Variants in SHCBP1 observed in about 807,000 individuals in gnomAD.
SHCBP1 encodes SHC SH2 domain-binding protein 1.
SHCBP1 carries 60 observed loss-of-function variants against 75.1 expected under a neutral mutation model. The observed-to-expected ratio is 0.80, with a 90% CI of 0.65 to 0.99. The LOEUF is 0.99. Ranked by LOEUF, SHCBP1 falls within the 50% of genes least tolerant of loss-of-function variation. SHCBP1 has a pLI of 0.00. For synonymous variants in SHCBP1, 290 were observed against 293.2 expected (o/e 0.99, Z 0.11); for missense variants, 709 against 809.4 (o/e 0.88, Z 1.50).
rs1454817444 is a variant in SHCBP1 at position 46,613,454 on chromosome 16, G to T, written c.596+2492C>A. Among the ~76,000 whole-genome samples, 5 of 152,186 alleles carry T rather than the reference G, an allele frequency of 3.3e-5. No homozygotes were observed. The East Asian group carries it at 9.7e-4, about 29-fold the overall frequency. On this transcript the variant is annotated intron_variant, in intron 4 of 12. Coordinates refer to ENST00000303383, the MANE Select transcript of SHCBP1 (RefSeq NM_024745.5). Reference sequence around the variant, plus strand: ...AGCTAACAAATCCCCGCACTGTCTGGCCCCTGCCAGCCTCTCTAATCTCAT... The same window carrying T: ...AGCTAACAAATCCCCGCACTGTCTGTCCCCTGCCAGCCTCTCTAATCTCAT...
intron 1 of SHCBP1, among the ~76,000 whole-genome samples, chr16:46,618,718 C>T (rs1195420293): frequency 1.3e-5 from 2 of 152,056 alleles, no homozygotes; most frequent in East Asian, 1.9e-4. Flanking sequence ...CATAGCTCAC[C>T]GCAACCTCAA....
chr16:46,611,240 C>G (rs1166710986), intron 4 of SHCBP1, among the ~76,000 whole-genome samples: 1 of 152,194 alleles, frequency 6.6e-6, no homozygotes, highest in Non-Finnish European at 1.5e-5. Context: ...GCTTTGGCCA[C>G]CTGCAACCCT....
At chr16:46,611,571 C>T (rs1181719860) in intron 4 of SHCBP1, among the ~76,000 whole-genome samples, 1 of 152,188 alleles carries the variant, frequency 6.6e-6, no homozygotes, top group Non-Finnish European at 1.5e-5. Flanking sequence ...ATATAGTTCA[C>T]ATTTATTTCA....
intron 10 of SHCBP1, among the ~76,000 whole-genome samples, chr16:46,590,536 C>T (rs921999315): frequency 2.0e-5 from 3 of 152,178 alleles, no homozygotes; most frequent in Non-Finnish European, 4.4e-5. Flanking sequence ...CAAAAGAAGA[C>T]ATTTATGCAG....
chr16:46,583,949 TG>T (rs767476660), intron 11 of SHCBP1, 53 bp downstream of exon 11: 52 of 1,438,566 alleles, frequency 3.6e-5, no homozygotes, highest in Non-Finnish European at 5.0e-5. Flanking sequence ...AAGCATAATT[TG>T]TAGGTAAAAC....
intron 10 of SHCBP1, among the ~76,000 whole-genome samples, chr16:46,589,831 T>C (rs1390068469): frequency 1.3e-5 from 2 of 152,174 alleles, no homozygotes; most frequent in Non-Finnish European, 1.5e-5. Context: ...TTAAAGTTCA[T>C]ATGGAACCAA....
chr16:46,584,193 G>A, intron 10 of SHCBP1, 104 bp from the exon 11 acceptor site: 1 of 704,882 alleles, frequency 1.4e-6, no homozygotes, highest in Non-Finnish European at 2.2e-6. Context: ...CAAATGTACA[G>A]CACAAAGATA....
In SHCBP1 at chr16:46,581,892, A is replaced by G. The variant is rs149596699; in HGVS notation, c.1856T>C (p.Ile619Thr). Residue 619 changes from isoleucine (I) to threonine (T), a missense_variant, in exon 13 of 13, where the codon ATT (isoleucine) becomes ACT (threonine). By Grantham distance (89) the Ile-to-Thr change is moderately conservative. Coordinates refer to ENST00000303383, the MANE Select transcript of SHCBP1 (RefSeq NM_024745.5). ...EGNCEIVNEL[I>T]AASTQKGQIK... is the part of the protein sequence containing the mutation. The stretch of plus-strand genomic sequence containing the variant: ...CTGGCCTTTCTGTGTGGAGGCAGCA[A>G]TTAGTTCATTTACAATTTCACAATT... 22 of 1,614,092 alleles carry G rather than the reference A, an allele frequency of 1.4e-5. No homozygotes were observed. Among genetic ancestry groups the G allele is most frequent in the African/African-American group, 1.2e-4 (9 of 74,942 alleles).
intron 5 of SHCBP1, among the ~76,000 whole-genome samples, chr16:46,606,410 C>T (rs987013183): frequency 2.0e-5 from 3 of 152,178 alleles, no homozygotes; most frequent in Non-Finnish European, 4.4e-5. Context: ...CAAGTACCAC[C>T]GTGTCTTCTG....
At chr16:46,614,601 A>G (rs996966496) in intron 4 of SHCBP1, among the ~76,000 whole-genome samples, 3 of 152,206 alleles carry the variant, frequency 2.0e-5, no homozygotes, top group African/African-American at 7.2e-5. Context: ...ATGGCAAAAA[A>G]GACTCACAGG....
rs566971355 is a variant in SHCBP1, at chr16:46,602,911, G to A, written c.1213+628C>T. Among the ~76,000 whole-genome samples, 10 of 152,292 alleles carry A rather than the reference G, an allele frequency of 6.6e-5. 1 individual carries two copies. The highest frequency in any genetic ancestry group is 1.9e-4 in the East Asian group (1 of 5,190). ...CTCCCAAAGTGCTGGGATTACAGGC[G>A]TAAGCCACCACACCCAGCCCAAAAA... is the stretch of plus-strand genomic sequence containing the variant. On this transcript the variant is annotated intron_variant, in intron 8 of 12. Transcript: ENST00000303383.
chr16:46,587,247 T>G (rs1384921027), intron 10 of SHCBP1, among the ~76,000 whole-genome samples: 1 of 152,182 alleles, frequency 6.6e-6, no homozygotes, highest in Non-Finnish European at 1.5e-5. Context: ...TAAACTGTTA[T>G]GTACATATAA....
At position 46,581,346 on chromosome 16, in the gene SHCBP1, T is replaced by A. The variant is rs1375433847; in HGVS notation, c.*383A>T. On this transcript the variant is annotated 3_prime_UTR_variant, in exon 13 of 13. Transcript: ENST00000303383. The stretch of plus-strand genomic sequence containing the variant: ...GATGAAAAGGCAACTCTAAGAAGAA[T>A]GCTGTACATATGACACCTATTGCAT... 1 of 184,136 alleles carries A rather than the reference T, an allele frequency of 5.4e-6. No homozygotes were observed. The highest frequency in any genetic ancestry group is 1.1e-5 in the Non-Finnish European group (1 of 88,668). 11.4% of individuals were successfully genotyped at this position (184,136 alleles called of 1,614,324 possible).
rs1964853396 is a variant in SHCBP1 at position 46,580,496 on chromosome 16, A to G, written c.*1233T>C. On this transcript the variant is annotated 3_prime_UTR_variant, in exon 13 of 13. Transcript: ENST00000303383. ...ATACCATGTATTCTTAAATGACCAC[A>G]TATGCTACACTGACACTATGGCCCA... is the stretch of plus-strand genomic sequence containing the variant. 2 of 152,320 alleles carry G rather than the reference A, an allele frequency of 1.3e-5. No individual in the cohort carries two copies. Among genetic ancestry groups the G allele is most frequent in the Admixed American group, 6.5e-5 (1 of 15,308 alleles). The allele number at this position is 152,320 out of a possible 1,614,324, so 9.4% of individuals were successfully genotyped here.
At chr16:46,603,503 CG>C in intron 8 of SHCBP1, 35 bp downstream of exon 8, 2 of 1,612,882 alleles carry the variant, frequency 1.2e-6, no homozygotes, top group Non-Finnish European at 1.7e-6. Context: ...AAACATATCA[CG>C]TGTGAGAGTT....
In SHCBP1 at chr16:46,591,152, C is replaced by T. The variant is rs188002070; in HGVS notation, c.1464+4400G>A. Among the ~76,000 whole-genome samples, 91 of 152,180 alleles carry T rather than the reference C, an allele frequency of 6.0e-4. No homozygotes were observed. In the East Asian group the frequency reaches 0.016, roughly 27 times the overall value. On this transcript the variant is annotated intron_variant, in intron 10 of 12. Coordinates refer to ENST00000303383, the MANE Select transcript of SHCBP1 (RefSeq NM_024745.5). ...TGTACACAGGGTGGGGAACATCACACACTGGGGCCTGTTGTGGGGTGAGGG... is the reference window on the plus strand; with the variant it reads ...TGTACACAGGGTGGGGAACATCACATACTGGGGCCTGTTGTGGGGTGAGGG...
chr16:46,605,770 T>TA lies in SHCBP1; in HGVS notation c.690-1310dup, dbSNP rs531038222. On this transcript the variant is annotated intron_variant, in intron 5 of 12. Coordinates refer to ENST00000303383, the MANE Select transcript of SHCBP1 (RefSeq NM_024745.5). ...TTTTTTAATTTAGTCATGCTCTAAA[T>TA]AAGATAGGGAAAAACAAATGCAAGA... Among the ~76,000 whole-genome samples, 92 of 152,108 alleles carry TA rather than the reference T, an allele frequency of 6.0e-4. 2 individuals are homozygous for TA. The South Asian group carries it at 0.019, about 31-fold the overall frequency.
At chr16:46,592,923 G>A (rs1294411152) in intron 10 of SHCBP1, among the ~76,000 whole-genome samples, 2 of 31,912 alleles carry the variant, frequency 6.3e-5, no homozygotes, top group Non-Finnish European at 1.3e-4. Context: ...AAAAAAAGAA[G>A]TCAACATCCA....
chr16:46,607,840 T>TA (rs1301304933), intron 5 of SHCBP1, among the ~76,000 whole-genome samples: 2 of 152,212 alleles, frequency 1.3e-5, no homozygotes, highest in Non-Finnish European at 2.9e-5. Context: ...TGCAGAAACT[T>TA]AGAGTAAAGC....
Sources: allele counts gnomAD v4.1 joint callset (sites outside exome capture counted in the v4.1 genomes callset), GRCh38; gene constraint gnomAD v4.1.1; transcripts MANE v1.5; gene names NCBI Gene and HGNC (gene_info 2026-07-23, HGNC 2026-07-21).